The following PDZRN4 variants were observed in gnomAD, a reference collection of about 807,000 sequenced individuals.
The protein encoded by PDZRN4 is PDZ domain-containing RING finger protein 4.
In PDZRN4, 70 loss-of-function variants were observed where a neutral mutation model predicts 99.0. The ratio of observed to expected loss-of-function variants is 0.71; its 90% CI spans 0.58 to 0.86. PDZRN4 has a LOEUF of 0.86. Among genes scored for constraint, PDZRN4 ranks in the 40% least tolerant of loss-of-function variants. The pLI, the probability that PDZRN4 is intolerant of heterozygous loss-of-function variation, is 0.00. For synonymous variants in PDZRN4, 551 were observed against 501.6 expected (o/e 1.10, Z -1.32); for missense variants, 1,474 against 1,331.2 (o/e 1.11, Z -1.67).
intron 1 of PDZRN4, 23 bp downstream of exon 1, chr12:41,189,126 C>T (rs370952949): frequency 2.5e-6 from 4 of 1,570,500 alleles, no homozygotes; most frequent in Non-Finnish European, 3.4e-6. Flanking sequence ...GGGTGGGCAC[C>T]GCGGGCATGG....
intron 3 of PDZRN4, among the ~76,000 whole-genome samples, chr12:41,438,708 A>G (rs574139403): frequency 2.9e-4 from 44 of 152,294 alleles, no homozygotes; most frequent in Non-Finnish European, 1.2e-4. Context: ...TTTTATGTGT[A>G]TCTGAGGGCT....
In PDZRN4 at chr12:41,567,870, A is replaced by G. The variant is rs147134505; in HGVS notation, c.1555A>G (p.Met519Val). ...EMLEEEHNEA[M>V]QPTANEVEQP... ...GTTGGAAGAAGAGCATAATGAAGCA[A>G]TGCAGCCCACTGCCAATGAGGTGGA... The change falls in exon 9 of 10, where the codon ATG becomes GTG. Residue 519 changes from methionine (M) to valine (V), a missense_variant. Coordinates refer to ENST00000402685, the MANE Select transcript of PDZRN4 (RefSeq NM_001164595.2). The G allele has an allele frequency of 3.7e-6, 6 of 1,612,250 alleles. No homozygotes were observed. In the African/African-American group the frequency reaches 8.0e-5, roughly 21 times the overall value.
At chr12:41,228,804 A>C (rs1007219355) in intron 3 of PDZRN4, among the ~76,000 whole-genome samples, 1 of 152,116 alleles carries the variant, frequency 6.6e-6, no homozygotes, top group Non-Finnish European at 1.5e-5. Context: ...TATGAAATTC[A>C]ATAGTATATA....
At chr12:41,381,415 C>T (rs542116793) in intron 3 of PDZRN4, among the ~76,000 whole-genome samples, 1 of 151,832 alleles carries the variant, frequency 6.6e-6, no homozygotes, top group East Asian at 1.9e-4. Flanking sequence ...TCTTCACTCA[C>T]TTCTTTTTGT....
At chr12:41,486,197 G>A (rs1416103425) in intron 3 of PDZRN4, among the ~76,000 whole-genome samples, 3 of 152,056 alleles carry the variant, frequency 2.0e-5, no homozygotes, top group East Asian at 1.9e-4. Context: ...AAAATATTGA[G>A]GGCAGTTTAA....
chr12:41,206,022 G>A (rs1950847894), intron 3 of PDZRN4, among the ~76,000 whole-genome samples: 1 of 151,936 alleles, frequency 6.6e-6, no homozygotes, highest in South Asian at 2.1e-4. Context: ...GCATGTAAGT[G>A]TTCATTCTTA....
intron 3 of PDZRN4, among the ~76,000 whole-genome samples, chr12:41,347,268 A>G (rs940432090): frequency 1.3e-5 from 2 of 152,168 alleles, no homozygotes; most frequent in South Asian, 4.1e-4. Flanking sequence ...CCCAAAAGCA[A>G]TGCATTGGGA....
chr12:41,280,890 G>T (rs551228525), intron 3 of PDZRN4, among the ~76,000 whole-genome samples: 2 of 152,260 alleles, frequency 1.3e-5, no homozygotes, highest in South Asian at 4.2e-4. Context: ...TCCTCAAGTG[G>T]GTCCCTGACC....
rs1952988344 is a variant in PDZRN4, at chr12:41,471,384, T to C, written c.844-35072T>C. Among the ~76,000 whole-genome samples the C allele has an allele frequency of 1.3e-5, 2 of 152,200 alleles. 1 individual carries two copies. On this transcript the variant is annotated intron_variant, in intron 3 of 9. Transcript: ENST00000402685. The stretch of plus-strand genomic sequence containing the variant: ...TCAATTCCAGAGTAAATTGTTTCTG[T>C]TGCCACATTTGAAAATATATTAGGA...
intron 3 of PDZRN4, among the ~76,000 whole-genome samples, chr12:41,452,639 A>G (rs746295284): frequency 6.6e-6 from 1 of 152,100 alleles, no homozygotes; most frequent in Non-Finnish European, 1.5e-5. Context: ...CCACAGAGTC[A>G]AACTCTTTAC....
intron 3 of PDZRN4, among the ~76,000 whole-genome samples, chr12:41,360,799 T>C (rs1011759503): frequency 6.6e-6 from 1 of 152,072 alleles, no homozygotes; most frequent in Non-Finnish European, 1.5e-5. Flanking sequence ...AAAGTTGCCA[T>C]CTGAAATAGC....
intron 3 of PDZRN4, among the ~76,000 whole-genome samples, chr12:41,227,355 A>T (rs1284679990): frequency 6.6e-6 from 1 of 152,106 alleles, no homozygotes; most frequent in East Asian, 1.9e-4. Context: ...TTTGCAAATG[A>T]CCTAACCAGT....
intron 3 of PDZRN4, among the ~76,000 whole-genome samples, chr12:41,406,406 C>A (rs967893941): frequency 6.6e-6 from 1 of 152,102 alleles, no homozygotes. Context: ...TGGCTCCTTA[C>A]GTCATTACCA....
At chr12:41,463,473 C>A (rs1952891622) in intron 3 of PDZRN4, among the ~76,000 whole-genome samples, 2 of 151,698 alleles carry the variant, frequency 1.3e-5, no homozygotes, top group South Asian at 4.2e-4. Flanking sequence ...GAGAAGGAAC[C>A]CTAAGACTCT....
chr12:41,296,239 G>A (rs191884943), intron 3 of PDZRN4, among the ~76,000 whole-genome samples: 1 of 152,162 alleles, frequency 6.6e-6, no homozygotes, highest in South Asian at 2.1e-4. Flanking sequence ...TTAAAGAACT[G>A]TAACAGGAAA....
intron 3 of PDZRN4, among the ~76,000 whole-genome samples, chr12:41,267,407 GA>G (rs551875438): frequency 1.3e-5 from 2 of 150,908 alleles, no homozygotes; most frequent in African/African-American, 4.9e-5. Flanking sequence ...GGAAGAAGAA[GA>G]AAAAAAAGAC....
chr12:41,527,450 T>C (rs1380387268), intron 5 of PDZRN4, among the ~76,000 whole-genome samples: 1 of 152,094 alleles, frequency 6.6e-6, no homozygotes, highest in Non-Finnish European at 1.5e-5. Flanking sequence ...TTGTAGGAAT[T>C]TGCAGGAACA....
chr12:41,374,117 A>G (rs948766475), intron 3 of PDZRN4, among the ~76,000 whole-genome samples: 5 of 151,732 alleles, frequency 3.3e-5, no homozygotes, highest in African/African-American at 1.2e-4. Context: ...CTCCTTGAGG[A>G]CAGGTCTTTG....
At chr12:41,321,530 C>T (rs1055720584) in intron 3 of PDZRN4, among the ~76,000 whole-genome samples, 1 of 152,104 alleles carries the variant, frequency 6.6e-6, no homozygotes, top group Non-Finnish European at 1.5e-5. Flanking sequence ...AAAAACTAAC[C>T]CAATATTATT....
Sources: allele counts gnomAD v4.1 joint callset (sites outside exome capture counted in the v4.1 genomes callset), GRCh38; gene constraint gnomAD v4.1.1; transcripts MANE v1.5; gene names NCBI Gene and HGNC (gene_info 2026-07-23, HGNC 2026-07-21).